SYDE2: variants seen among roughly 807,000 people sequenced by gnomAD.
The protein encoded by SYDE2 is rho GTPase-activating protein SYDE2.
SYDE2 carries 76 observed loss-of-function variants against 91.5 expected under a neutral mutation model. That is an observed-to-expected ratio of 0.83 (90% CI 0.69 to 1.01). SYDE2 has a LOEUF of 1.01. SYDE2 is among the 50% of genes least tolerant of loss of function. The pLI is 0.00. For missense variants in SYDE2, 1,364 were observed against 1,367.7 expected (o/e 1.00, Z 0.04); for synonymous variants, 513 against 506.4 (o/e 1.01, Z -0.18).
Position 85,200,510 on chromosome 1 carries a change from C to A in SYDE2, c.487G>T (p.Gly163Trp), listed in dbSNP as rs764237024. 11 of 1,613,498 alleles carry A rather than the reference C, an allele frequency of 6.8e-6. No homozygotes were observed. Among genetic ancestry groups the A allele is most frequent in the Non-Finnish European group, 8.5e-6 (10 of 1,179,894 alleles). The change falls in exon 1 of 7, where the codon GGG (glycine) becomes TGG (tryptophan). Residue 163 changes from glycine to tryptophan, a missense_variant. Physicochemically the swap from Gly to Trp is radical, Grantham distance 184. Transcript: ENST00000341460. ...TTGCCACTGCGTATCACAGAGGACC[C>A]CGCTGGATCCCTGAAAGGGCTTCCC... ...SSGSPFRDPA[G>W]SSVIRSGKGD...
At chr1:85,189,594 G>A (rs973552193) in intron 2 of SYDE2, among the ~76,000 whole-genome samples, 1 of 152,170 alleles carries the variant, frequency 6.6e-6, no homozygotes, top group South Asian at 2.1e-4. Flanking sequence ...CCAGCACTTT[G>A]GGAGGCCAAA....
intron 2 of SYDE2, among the ~76,000 whole-genome samples, chr1:85,183,612 T>C (rs886184359): frequency 6.6e-6 from 1 of 152,162 alleles, no homozygotes; most frequent in Non-Finnish European, 1.5e-5. Flanking sequence ...AAGTAGTTTC[T>C]TTATAGAGAA....
At chr1:85,196,944 A>G (rs1462137248) in intron 1 of SYDE2, among the ~76,000 whole-genome samples, 1 of 152,194 alleles carries the variant, frequency 6.6e-6, no homozygotes, top group African/African-American at 2.4e-5. Flanking sequence ...TATACAGTCT[A>G]AAGTTTTTTC....
chr1:85,160,663 C>T, intron 6 of SYDE2: 1 of 985,396 alleles, frequency 1.0e-6, no homozygotes. Context: ...CTTTTCCCCC[C>T]TCATTCTTTG....
chr1:85,170,721 C>T (rs897075047), intron 4 of SYDE2, among the ~76,000 whole-genome samples: 1 of 152,138 alleles, frequency 6.6e-6, no homozygotes, highest in Non-Finnish European at 1.5e-5. Flanking sequence ...ACATCATATC[C>T]TTGAGATCTT....
At chr1:85,191,788 T>G (rs1233051386) in intron 1 of SYDE2, among the ~76,000 whole-genome samples, 1 of 150,888 alleles carries the variant, frequency 6.6e-6, no homozygotes. Flanking sequence ...AATAGTCCAA[T>G]GGGAGACCTC....
At chr1:85,199,003 G>C (rs149141827) in intron 1 of SYDE2, among the ~76,000 whole-genome samples, 21 of 152,246 alleles carry the variant, frequency 1.4e-4, no homozygotes, top group African/African-American at 5.1e-4. Context: ...TATTAGAGCC[G>C]TATAGACAGG....
At chr1:85,195,158 T>TAA (rs71818368) in intron 1 of SYDE2, among the ~76,000 whole-genome samples, 3 of 143,524 alleles carry the variant, frequency 2.1e-5, no homozygotes, top group African/African-American at 7.6e-5. Flanking sequence ...AGACTCCATC[T>TAA]AAAAAAAAAA....
In SYDE2 at chr1:85,181,307, A is replaced by G. The variant is rs191538314; in HGVS notation, c.2544+791T>C. Reference sequence around the variant, plus strand: ...GCTGGGATTACAGGCATGCGCCACCATGTCGGGCTAATTTTTGTATTTTTA... The same window carrying G: ...GCTGGGATTACAGGCATGCGCCACCGTGTCGGGCTAATTTTTGTATTTTTA... On this transcript the variant is annotated intron_variant, in intron 3 of 6. Coordinates refer to ENST00000341460, the MANE Select transcript of SYDE2 (RefSeq NM_032184.2). 2.0e-5 allele frequency: 3 copies of G among 152,176 alleles called. No individual in the cohort carries two copies. In the East Asian group the frequency reaches 5.8e-4, roughly 29 times the overall value. 9.4% of individuals were successfully genotyped at this position (152,176 alleles called of 1,614,324 possible).
downstream of SYDE2, chr1:85,153,669 C>T (rs1160662475): frequency 6.6e-6 from 1 of 152,096 alleles, no homozygotes; most frequent in African/African-American, 2.4e-5. Flanking sequence ...GTGGGGAGTA[C>T]ATGAGGCTGC....
Position 85,158,274 on chromosome 1 carries a change from G to C in SYDE2, c.*476C>G, listed in dbSNP as rs1377810863. 6.5e-6 allele frequency: 1 copy of C among 153,064 alleles called. No homozygotes were observed. The highest frequency in any genetic ancestry group is 1.5e-5 in the Non-Finnish European group (1 of 68,798). 9.5% of individuals were successfully genotyped at this position (153,064 alleles called of 1,614,324 possible). On this transcript the variant is annotated 3_prime_UTR_variant, in exon 7 of 7. Transcript: ENST00000341460. Reference sequence around the variant, plus strand: ...GCCCCGTCATCACAGCTACTCGGGAGGCTGTGGCAGGAGAATCACTTGAAC... The same window carrying C: ...GCCCCGTCATCACAGCTACTCGGGACGCTGTGGCAGGAGAATCACTTGAAC...
chr1:85,182,080 A>AC lies in SYDE2; in HGVS notation c.2544+17dup. On this transcript the variant is annotated intron_variant, in intron 3 of 6. Coordinates refer to ENST00000341460, the MANE Select transcript of SYDE2 (RefSeq NM_032184.2). ...CAATCAATAAAGGAAGTAGTAGGGA[A>AC]CCATAGTAAGATAATACCTGACAGC... The AC allele has an allele frequency of 6.4e-7, 1 of 1,552,888 alleles. No homozygotes were observed. Among genetic ancestry groups the AC allele is most frequent in the South Asian group, 1.3e-5 (1 of 78,462 alleles).
chr1:85,158,697 A>C lies in SYDE2; in HGVS notation c.*53T>G. On this transcript the variant is annotated 3_prime_UTR_variant, in exon 7 of 7. Coordinates refer to ENST00000341460, the MANE Select transcript of SYDE2 (RefSeq NM_032184.2). ...ATCGCTGTGGGTGGTATAAGAAAATAAAACAAAAACAGATTTGAAACTTTA... is the reference window on the plus strand; with the variant it reads ...ATCGCTGTGGGTGGTATAAGAAAATCAAACAAAAACAGATTTGAAACTTTA... 1 of 653,090 alleles carries C rather than the reference A, an allele frequency of 1.5e-6. No individual in the cohort carries two copies. The highest frequency in any genetic ancestry group is 2.8e-6 in the Non-Finnish European group (1 of 361,760). The allele number at this position is 653,090 out of a possible 1,614,324, so 40.5% of individuals were successfully genotyped here. A position where few individuals can be genotyped will look rare whatever the true frequency, so the allele number is the denominator to read the frequency against.
At chr1:85,186,256 T>A (rs1658135576) in intron 2 of SYDE2, among the ~76,000 whole-genome samples, 1 of 152,210 alleles carries the variant, frequency 6.6e-6, no homozygotes, top group Non-Finnish European at 1.5e-5. Context: ...TCTAAAATTC[T>A]CTTTTTTGGT....
At chr1:85,162,073 G>A (rs566509216) in intron 6 of SYDE2, among the ~76,000 whole-genome samples, 2 of 152,134 alleles carry the variant, frequency 1.3e-5, no homozygotes, top group African/African-American at 4.8e-5. Flanking sequence ...ATGCTGATAC[G>A]CTGAAGTTCT....
In SYDE2 at chr1:85,159,010, C is replaced by G. The variant is rs1283164093; in HGVS notation, c.3325G>C (p.Asp1109His). 2 of 780,672 alleles carry G rather than the reference C, an allele frequency of 2.6e-6. No homozygotes were observed. The highest frequency in any genetic ancestry group is 2.4e-6 in the Non-Finnish European group (1 of 417,970). The allele number at this position is 780,672 out of a possible 1,614,324, so 48.4% of individuals were successfully genotyped here. ...YFLNTKENLN[D>H]VDYDDVPSED... ...GAAGGGACATCATCATAATCCACAT[C>G]ATTTAAATTTTCTTTTGTATTTAAA... Residue 1109 changes from aspartate to histidine, a missense_variant, in exon 7 of 7, where the codon GAT becomes CAT. Coordinates refer to ENST00000341460, the MANE Select transcript of SYDE2 (RefSeq NM_032184.2).
chr1:85,195,460 G>A (rs1001974791), intron 1 of SYDE2, among the ~76,000 whole-genome samples: 1 of 151,982 alleles, frequency 6.6e-6, no homozygotes, highest in Non-Finnish European at 1.5e-5. Flanking sequence ...ATGTGTGTGT[G>A]TATCTTTATC....
chr1:85,184,842 T>C (rs1341136839), intron 2 of SYDE2, among the ~76,000 whole-genome samples: 1 of 150,042 alleles, frequency 6.7e-6, no homozygotes, highest in Non-Finnish European at 1.5e-5. Context: ...ATTGTGCCAC[T>C]TGCACTCCAC....
In SYDE2 at chr1:85,200,707, G is replaced by A. The variant is rs1172660194; in HGVS notation, c.290C>T (p.Pro97Leu). 4.6e-6 allele frequency: 7 copies of A among 1,536,424 alleles called. No individual in the cohort carries two copies. The highest frequency in any genetic ancestry group is 1.4e-5 in the African/African-American group (1 of 73,134). The change falls in exon 1 of 7, where the codon CCT becomes CTT. Residue 97 changes from proline to leucine, a missense_variant. By Grantham distance (98) the Pro-to-Leu change is moderately conservative. Coordinates refer to ENST00000341460, the MANE Select transcript of SYDE2 (RefSeq NM_032184.2). ...LESLRVGAKP[P>L]PFQRWPSDSW... ...GTCGCTCGGCCACCGCTGGAAGGGA[G>A]GCGGCTTGGCACCCACCCGGAGGCT... is the stretch of plus-strand genomic sequence containing the variant.
Sources: gnomAD v4.1 joint callset for allele counts (sites outside exome capture counted in the v4.1 genomes callset) on GRCh38, gnomAD v4.1.1 for gene constraint, MANE v1.5 for transcripts, NCBI Gene and HGNC (gene_info 2026-07-23, HGNC 2026-07-21) for gene names.